The following DGKB variants were observed in gnomAD, a reference collection of about 807,000 sequenced individuals.
DGKB encodes the protein 90 kDa diacylglycerol kinase.
A neutral mutation model predicts 114.3 loss-of-function variants in DGKB; 67 were observed. The ratio of observed to expected loss-of-function variants is 0.59; its 90% confidence interval spans 0.48 to 0.72. The LOEUF (loss-of-function observed/expected upper bound fraction) is 0.72, where lower values mean the gene tolerates loss of function less well. DGKB is among the 30% of genes least tolerant of loss of function. The pLI, the probability that DGKB is intolerant of heterozygous loss-of-function variation, is 0.00. For missense variants in DGKB, 907 were observed against 975.2 expected (o/e 0.93, Z 0.93); for synonymous variants, 398 against 323.1 (o/e 1.23, Z -2.49).
chr7:14,529,955 A>C (rs985880020), intron 20 of DGKB, among the ~76,000 whole-genome samples: 9 of 151,792 alleles, frequency 5.9e-5, no homozygotes, highest in African/African-American at 1.9e-4. Flanking sequence ...TAACTTATAA[A>C]GTTGTTACTC....
At chr7:14,319,062 T>C (rs1807209364) in intron 23 of DGKB, among the ~76,000 whole-genome samples, 1 of 147,628 alleles carries the variant, frequency 6.8e-6, no homozygotes, top group Admixed American at 6.9e-5. Context: ...CTGCATATGC[T>C]CACTCATAGG....
At chr7:14,268,691 T>A (rs1467217283) in intron 23 of DGKB, among the ~76,000 whole-genome samples, 1 of 152,234 alleles carries the variant, frequency 6.6e-6, no homozygotes, top group Admixed American at 6.5e-5. Flanking sequence ...AGGAAGCAGG[T>A]ATATCTTATG....
At chr7:14,609,279 A>G (rs1805085310) in intron 16 of DGKB, among the ~76,000 whole-genome samples, 1 of 152,076 alleles carries the variant, frequency 6.6e-6, no homozygotes, top group South Asian at 2.1e-4. Flanking sequence ...CAACAAATAC[A>G]AAACAATAGC....
At chr7:14,241,955 TATAC>T (rs1441097864) in intron 23 of DGKB, among the ~76,000 whole-genome samples, 32 of 75,242 alleles carry the variant, frequency 4.3e-4, no homozygotes, top group African/African-American at 2.8e-3. Flanking sequence ...CACACACACA[TATAC>T]ACACACACAC....
At chr7:14,721,165 G>A (rs1829104496) in intron 5 of DGKB, among the ~76,000 whole-genome samples, 1 of 152,184 alleles carries the variant, frequency 6.6e-6, no homozygotes, top group South Asian at 2.1e-4. Context: ...AATATGCTCT[G>A]ACATTTATTT....
intron 6 of DGKB, among the ~76,000 whole-genome samples, chr7:14,703,413 C>A (rs1388819442): frequency 1.3e-5 from 2 of 152,172 alleles, no homozygotes; most frequent in South Asian, 2.1e-4. Context: ...AATGGGCATT[C>A]ATTACTGACA....
chr7:14,801,667 T>C (rs1299306027), intron 2 of DGKB, among the ~76,000 whole-genome samples: 1 of 151,940 alleles, frequency 6.6e-6, no homozygotes, highest in Non-Finnish European at 1.5e-5. Context: ...ACACTATCAG[T>C]TCCCCCCGTC....
chr7:14,441,298 C>T (rs899896599), intron 21 of DGKB, among the ~76,000 whole-genome samples: 7 of 152,042 alleles, frequency 4.6e-5, no homozygotes, highest in East Asian at 1.9e-4. Context: ...TGAGCCACCA[C>T]GCCCGACCCA....
chr7:14,283,017 A>G (rs1367041418), intron 23 of DGKB, among the ~76,000 whole-genome samples: 3 of 151,988 alleles, frequency 2.0e-5, no homozygotes, highest in South Asian at 2.1e-4. Context: ...GGCCAGGGCA[A>G]TTAGTCAGGA....
chr7:14,191,711 C>A, intron 23 of DGKB: 1 of 335,756 alleles, frequency 3.0e-6, no homozygotes. Context: ...CAAGGATGTG[C>A]ACGTCAAAGA....
chr7:14,601,139 C>T (rs1164105234), intron 17 of DGKB, among the ~76,000 whole-genome samples: 1 of 152,202 alleles, frequency 6.6e-6, no homozygotes, highest in African/African-American at 2.4e-5. Flanking sequence ...TGCTGCAAAC[C>T]TTTGCCACCT....
chr7:14,577,357 T>C (rs942309054), intron 19 of DGKB, among the ~76,000 whole-genome samples: 10 of 152,068 alleles, frequency 6.6e-5, no homozygotes, highest in Non-Finnish European at 1.0e-4. Flanking sequence ...GTGGCTCATG[T>C]CTATAATCCC....
intron 1 of DGKB, among the ~76,000 whole-genome samples, chr7:14,954,833 C>T (rs1369832085): frequency 6.6e-6 from 1 of 151,980 alleles, no homozygotes; most frequent in Non-Finnish European, 1.5e-5. Flanking sequence ...AGCTGAAATG[C>T]TCAAGAGAAG....
intron 8 of DGKB, among the ~76,000 whole-genome samples, chr7:14,695,686 T>C (rs1349997915): frequency 1.3e-5 from 2 of 151,632 alleles, no homozygotes; most frequent in African/African-American, 4.9e-5. Context: ...TGTGTGTATT[T>C]TTAGTAGACA....
At chr7:14,169,795 T>A (rs1780579115) in intron 25 of DGKB, among the ~76,000 whole-genome samples, 1 of 151,896 alleles carries the variant, frequency 6.6e-6, no homozygotes, top group Non-Finnish European at 1.5e-5. Context: ...GAAAAGGGAT[T>A]TTCTGTTTTA....
At chr7:14,412,620 T>C (rs935699313) in intron 21 of DGKB, among the ~76,000 whole-genome samples, 4 of 151,978 alleles carry the variant, frequency 2.6e-5, no homozygotes, top group African/African-American at 9.7e-5. Context: ...GAGGTGATCG[T>C]ATAAGAAAAA....
chr7:14,472,337 T>C (rs542036539), intron 21 of DGKB, among the ~76,000 whole-genome samples: 1 of 151,328 alleles, frequency 6.6e-6, no homozygotes, highest in Admixed American at 6.6e-5. Context: ...TAAGGAGGAG[T>C]TTCCCTGCAC....
At chr7:14,631,283 GA>G (rs1431803774) in intron 13 of DGKB, among the ~76,000 whole-genome samples, 98 of 120,970 alleles carry the variant, frequency 8.1e-4, no homozygotes, top group Middle Eastern at 4.3e-3. Flanking sequence ...AAAAAAAAAA[GA>G]AAAAAATAGC....
chr7:14,727,746 T>A (rs971026133), intron 5 of DGKB, among the ~76,000 whole-genome samples: 1 of 152,152 alleles, frequency 6.6e-6, no homozygotes, highest in African/African-American at 2.4e-5. Flanking sequence ...GTTTGCATTG[T>A]GGAAACTGAA....
Sources: allele counts gnomAD v4.1 joint callset (sites outside exome capture counted in the v4.1 genomes callset), GRCh38; gene constraint gnomAD v4.1.1; transcripts MANE v1.5; gene names NCBI Gene and HGNC (gene_info 2026-07-23, HGNC 2026-07-21).